The following PIGG variants were observed in gnomAD, a reference collection of about 807,000 sequenced individuals.
PIGG encodes the protein phosphatidylinositol glycan anchor biosynthesis class G (EMM blood group).
Under a neutral mutation model 83.2 loss-of-function variants are expected in PIGG, and 70 were observed. The observed-to-expected ratio is 0.84, with a 90% confidence interval of 0.69 to 1.03. The LOEUF is 1.03. Ranked by LOEUF, PIGG falls within the 50% of genes least tolerant of loss-of-function variation. PIGG has a pLI of 0.00. For synonymous variants in PIGG, 532 were observed against 519.5 expected (o/e 1.02, Z -0.33); for missense variants, 1,257 against 1,233.6 (o/e 1.02, Z -0.28).
intron 2 of PIGG, among the ~76,000 whole-genome samples, chr4:504,292 G>T (rs1420965032): frequency 6.6e-6 from 1 of 152,178 alleles, no homozygotes; most frequent in Non-Finnish European, 1.5e-5. Flanking sequence ...ATTGGTCAGA[G>T]GTTGTGCTTC....
chr4:527,562 T>TA (rs1035215476), intron 10 of PIGG: 2 of 1,046,826 alleles, frequency 1.9e-6, no homozygotes, highest in African/African-American at 3.4e-5. Context: ...AATCGGTTTC[T>TA]AAGTTAGTGG....
chr4:508,945 C>T lies in PIGG; in HGVS notation c.876C>T (p.Ile292=). ...TEEVNTPLIL[I]SSAFERKPGD... ...AGGTGAATACACCTCTGATTTTAAT[C>T]AGTTCTGCGTTTGAAAGGAAACCCG... The change falls in exon 5 of 13, where the codon ATC becomes ATT. Residue 292 remains isoleucine, a synonymous_variant. Transcript: ENST00000453061. 1 of 1,613,708 alleles carries T rather than the reference C, an allele frequency of 6.2e-7. No homozygotes were observed. The highest frequency in any genetic ancestry group is 8.5e-7 in the Non-Finnish European group (1 of 1,179,676).
At position 540,153 on chromosome 4, in the gene PIGG, G is replaced by A. The variant is rs1419228407; in HGVS notation, c.*784G>A. 6.6e-6 allele frequency: 1 copy of A among 151,082 alleles called. No individual in the cohort carries two copies. The highest frequency in any genetic ancestry group is 1.5e-5 in the Non-Finnish European group (1 of 67,964). The allele number at this position is 151,082 out of a possible 1,614,324, so 9.4% of individuals were successfully genotyped here. A position where few individuals can be genotyped will look rare whatever the true frequency, so the allele number is the denominator to read the frequency against. ...TACTCCAGCCAGGACAACAGAGTGA[G>A]ACTCTTGTCTTTAAAATGAAAAAAT... On this transcript the variant is annotated 3_prime_UTR_variant, in exon 13 of 13. Coordinates refer to ENST00000453061, the MANE Select transcript of PIGG (RefSeq NM_001127178.3).
chr4:519,437 T>C (rs933212163), intron 6 of PIGG, among the ~76,000 whole-genome samples: 4 of 152,158 alleles, frequency 2.6e-5, no homozygotes, highest in African/African-American at 9.7e-5. Context: ...CGTCCCCCCA[T>C]CCAGGGTGGT....
In PIGG at chr4:505,889, G is replaced by T. The variant is rs1553878870; in HGVS notation, c.532G>T (p.Asp178Tyr). The T allele has an allele frequency of 6.2e-7, 1 of 1,613,082 alleles. No homozygotes were observed. Among genetic ancestry groups the T allele is most frequent in the Non-Finnish European group, 8.5e-7 (1 of 1,179,850 alleles). Reference protein sequence around the residue: ...KLFPKHFVEYDGTTSFFVSDY... With the variant: ...KLFPKHFVEYYGTTSFFVSDY... The stretch of plus-strand genomic sequence containing the variant: ...ATTCCCAAAGCATTTTGTGGAATAT[G>T]ATGGAACAACCTCATTTTTCGTGTC... The change falls in exon 3 of 13, where the codon GAT becomes TAT. Residue 178 changes from aspartate to tyrosine, a missense_variant. Coordinates refer to ENST00000453061, the MANE Select transcript of PIGG (RefSeq NM_001127178.3).
rs1289974701 is a variant in PIGG at position 499,370 on chromosome 4, G to A, written c.35G>A (p.Cys12Tyr). 63 of 1,609,860 alleles carry A rather than the reference G, an allele frequency of 3.9e-5. No homozygotes were observed. Among genetic ancestry groups the A allele is most frequent in the Non-Finnish European group, 5.1e-5 (60 of 1,179,908 alleles). ...GGCTCCGGGACTTTCGCTACCTGTT[G>A]CGTAGCGATCGAGGTGCTAGGGATC... is the stretch of plus-strand genomic sequence containing the variant. ...RLGSGTFATCCVAIEVLGIAV... is the reference protein window; with the variant it reads ...RLGSGTFATCYVAIEVLGIAV... The change falls in exon 1 of 13, where the codon TGC becomes TAC. Residue 12 changes from cysteine (C) to tyrosine (Y), a missense_variant. Cys to Tyr is a radical substitution (Grantham distance 194, BLOSUM62 -2). Coordinates refer to ENST00000453061, the MANE Select transcript of PIGG (RefSeq NM_001127178.3).
intron 12 of PIGG, among the ~76,000 whole-genome samples, chr4:538,075 T>C (rs56924106): frequency 0.061 from 7,573 of 124,338 alleles, 502 homozygotes; most frequent in African/African-American, 0.19. Flanking sequence ...ACACACGTGC[T>C]GACAGGACCG....
chr4:509,501 C>G (rs1721135335), intron 5 of PIGG, among the ~76,000 whole-genome samples: 1 of 152,204 alleles, frequency 6.6e-6, no homozygotes, highest in African/African-American at 2.4e-5. Context: ...GCCTTGCTGT[C>G]CTGTCGGCGG....
At chr4:539,117 G>A (rs1316684804) in intron 12 of PIGG, 36 bp from the exon 13 acceptor site, 1 of 1,279,288 alleles carries the variant, frequency 7.8e-7, no homozygotes, top group Non-Finnish European at 1.1e-6. Context: ...TATGTAAGTG[G>A]CATGTGCTAA....
intron 2 of PIGG, among the ~76,000 whole-genome samples, chr4:504,080 CT>C (rs1718739327): frequency 6.6e-6 from 1 of 152,182 alleles, no homozygotes; most frequent in Admixed American, 6.5e-5. Context: ...TGGCCCCACC[CT>C]AGGAATGTTG....
chr4:503,186 CTG>C (rs1245114231), intron 2 of PIGG, among the ~76,000 whole-genome samples: 2 of 152,174 alleles, frequency 1.3e-5, no homozygotes, highest in Non-Finnish European at 2.9e-5. Flanking sequence ...TACAGGTTGA[CTG>C]AGCTGGTATC....
chr4:500,250 A>G (rs2108745768), intron 1 of PIGG, 146 bp from the exon 2 acceptor site: 1 of 637,770 alleles, frequency 1.6e-6, no homozygotes, highest in South Asian at 1.9e-5. Context: ...ACTACCTACC[A>G]AGTACAAGTC....
At chr4:526,525 G>A (rs527461189) in intron 9 of PIGG, among the ~76,000 whole-genome samples, 2 of 152,328 alleles carry the variant, frequency 1.3e-5, no homozygotes, top group East Asian at 1.9e-4. Flanking sequence ...GTCTAGGGAC[G>A]TATCATGCGT....
At chr4:509,458 G>A (rs913951701) in intron 5 of PIGG, among the ~76,000 whole-genome samples, 2 of 152,140 alleles carry the variant, frequency 1.3e-5, no homozygotes, top group African/African-American at 4.8e-5. Context: ...AGACTCAGCC[G>A]CCAGCCTATG....
chr4:510,427 G>T (rs567403081), intron 5 of PIGG, among the ~76,000 whole-genome samples: 1 of 152,212 alleles, frequency 6.6e-6, no homozygotes, highest in Non-Finnish European at 1.5e-5. Context: ...CCTCATTCCC[G>T]TAAACCCACA....
intron 1 of PIGG, chr4:500,160 A>G: frequency 1.8e-6 from 1 of 547,010 alleles, no homozygotes; most frequent in Non-Finnish European, 3.3e-6. Flanking sequence ...AGTACTCTTC[A>G]CCATACTGAG....
chr4:507,617 T>C, intron 4 of PIGG, 24 bp downstream of exon 4: 1 of 1,586,778 alleles, frequency 6.3e-7, no homozygotes, highest in East Asian at 2.3e-5. Context: ...TCGCTCACTG[T>C]CTGCTGATGT....
intron 11 of PIGG, chr4:532,553 C>G (rs971521779): frequency 6.6e-6 from 1 of 152,320 alleles, no homozygotes; most frequent in Admixed American, 6.5e-5. Flanking sequence ...GGTCTCAGGG[C>G]AAGCCAAGTC....
rs771819481 is a variant in PIGG, at chr4:533,869, TTA to T, written c.2624_2625del (p.Leu875Ter). 4.9e-5 allele frequency: 79 copies of T among 1,614,200 alleles called. No individual in the cohort carries two copies. In the South Asian group the frequency reaches 8.6e-4, roughly 17 times the overall value. On this transcript the variant is annotated frameshift_variant, in exon 12 of 13. Transcript: ENST00000453061. LOFTEE classifies it high-confidence loss of function. ...GGACATCTCCGCAGGCTTCGTGGGC[TTA>T]GACACCTACGTGGAAATCCCAGCCG... ...TVDISAGFVG[L>X]DTYVEIPAVL...
Sources: allele counts gnomAD v4.1 joint callset (sites outside exome capture counted in the v4.1 genomes callset), GRCh38; gene constraint gnomAD v4.1.1; transcripts MANE v1.5; gene names NCBI Gene and HGNC (gene_info 2026-07-23, HGNC 2026-07-21).